Variants in NOB1 observed in about 807,000 individuals in gnomAD.
NOB1 encodes RNA-binding protein NOB1.
A neutral mutation model predicts 44.8 loss-of-function variants in NOB1; 44 were observed. The observed-to-expected ratio is 0.98, with a 90% CI of 0.77 to 1.26. The LOEUF (loss-of-function observed/expected upper bound fraction) is 1.26, where lower values mean the gene tolerates loss of function less well. NOB1 is among the 50% of genes most tolerant of loss of function. The pLI, the probability that NOB1 is intolerant of heterozygous loss-of-function variation, is 0.00. For synonymous variants in NOB1, 238 were observed against 218.7 expected (o/e 1.09, Z -0.78); for missense variants, 560 against 544.8 (o/e 1.03, Z -0.28).
chr16:69,747,934 G>C (rs894965080), intron 7 of NOB1, among the ~76,000 whole-genome samples: 2 of 152,142 alleles, frequency 1.3e-5, no homozygotes, highest in Non-Finnish European at 2.9e-5. Context: ...GAGGTGGATG[G>C]ATCACTTGGA....
At chr16:69,752,070 A>T (rs981218174) in intron 3 of NOB1, among the ~76,000 whole-genome samples, 171 bp downstream of exon 3, 1 of 152,094 alleles carries the variant, frequency 6.6e-6, no homozygotes, top group Non-Finnish European at 1.5e-5. Context: ...ATCTCAAAAA[A>T]AAAAAAGTAC....
rs199696552 is a variant in NOB1 at position 69,748,233 on chromosome 16, T to C, written c.823A>G (p.Lys275Glu). Residue 275 changes from lysine (K) to glutamate (E), a missense_variant and splice_region_variant, in exon 7 of 9, where the codon AAG becomes GAG. Lys to Glu is a moderately conservative substitution (Grantham distance 56, BLOSUM62 1). Coordinates refer to ENST00000268802, the MANE Select transcript of NOB1 (RefSeq NM_014062.3). Reference protein sequence around the residue: ...SYILRCHGCFKTTSDMSRVFC... With the variant: ...SYILRCHGCFETTSDMSRVFC... Reference sequence around the variant, plus strand: ...AGGGCCAGGGCACCAGCTACATACTTGAAACAGCCATGGCAGCGCAAGATG... The same window carrying C: ...AGGGCCAGGGCACCAGCTACATACTCGAAACAGCCATGGCAGCGCAAGATG... The C allele has an allele frequency of 6.2e-6, 10 of 1,612,212 alleles. No homozygotes were observed. In the East Asian group the frequency reaches 2.2e-4, roughly 36 times the overall value.
chr16:69,748,147 A>C, intron 7 of NOB1, 85 bp downstream of exon 7: 1 of 994,046 alleles, frequency 1.0e-6, no homozygotes. Flanking sequence ...CCTAGGTGAC[A>C]GAGCGAGACT....
At position 69,749,084 on chromosome 16, in the gene NOB1, T is replaced by G. The variant is rs141066738; in HGVS notation, c.560A>C (p.Glu187Ala). 1.2e-6 allele frequency: 2 copies of G among 1,614,172 alleles called. No homozygotes were observed. Among genetic ancestry groups the G allele is most frequent in the African/African-American group, 2.7e-5 (2 of 75,050 alleles). ...TTCAAACCCGTTTTCTTCCTCCTCC[T>G]CCTCCTCACTTGGAACGTCCTCACC... ...DRGEDVPSEE[E>A]EEEENGFEDR... The change falls in exon 6 of 9, where the codon GAG becomes GCG. Residue 187 changes from glutamate to alanine, a missense_variant. Coordinates refer to ENST00000268802, the MANE Select transcript of NOB1 (RefSeq NM_014062.3).
intron 7 of NOB1, among the ~76,000 whole-genome samples, chr16:69,747,321 T>C (rs759461643): frequency 5.3e-5 from 8 of 151,778 alleles, no homozygotes; most frequent in Non-Finnish European, 8.8e-5. Context: ...GAGGATTGCT[T>C]GAGGCCAGGA....
chr16:69,750,547 T>C (rs2038474538), intron 3 of NOB1, among the ~76,000 whole-genome samples: 1 of 152,132 alleles, frequency 6.6e-6, no homozygotes, highest in Admixed American at 6.6e-5. Context: ...GGACTGCTTG[T>C]GCTCAGGAGT....
chr16:69,749,355 C>G lies in NOB1; in HGVS notation c.400-17G>C. The G allele has an allele frequency of 6.3e-7, 1 of 1,578,914 alleles. No homozygotes were observed. Among genetic ancestry groups the G allele is most frequent in the Non-Finnish European group, 8.6e-7 (1 of 1,168,854 alleles). ...GGGTTTAGGCTGAAATTAAAAGAAACAATTTTAAAACCTGAAAATTCATCT... is the reference window on the plus strand; with the variant it reads ...GGGTTTAGGCTGAAATTAAAAGAAAGAATTTTAAAACCTGAAAATTCATCT... On this transcript the variant is annotated splice_polypyrimidine_tract_variant and intron_variant, in intron 4 of 8. Transcript: ENST00000268802.
rs1338064136 is a variant in NOB1 at position 69,752,374 on chromosome 16, G to A, written c.197-3C>T. 3.7e-6 allele frequency: 6 copies of A among 1,611,430 alleles called. No homozygotes were observed. Among genetic ancestry groups the A allele is most frequent in the South Asian group, 2.2e-5 (2 of 91,024 alleles). ...TGTTTTCTTTGAAAACTCAGTCACT[G>A]TAAACAACAGATTTACATCTTCAGT... On this transcript the variant is annotated splice_polypyrimidine_tract_variant and splice_region_variant and intron_variant, in intron 2 of 8. Transcript: ENST00000268802.
intron 3 of NOB1, among the ~76,000 whole-genome samples, chr16:69,751,929 G>A (rs557858580): frequency 3.3e-4 from 51 of 152,264 alleles, no homozygotes; most frequent in African/African-American, 1.1e-3. Context: ...GGGTGTGGTC[G>A]TGGGCGCCTG....
In NOB1 at chr16:69,749,517, T is replaced by C. The variant is rs959693517; in HGVS notation, c.399+42A>G. ...ATGACTTAGAGAGATGTGACATGTT[T>C]CAGAAAAGAGCATGAACGGCCTGGC... is the stretch of plus-strand genomic sequence containing the variant. On this transcript the variant is annotated intron_variant, in intron 4 of 8. Coordinates refer to ENST00000268802, the MANE Select transcript of NOB1 (RefSeq NM_014062.3). 2.7e-5 allele frequency: 43 copies of C among 1,579,748 alleles called. 2 individuals carry two copies. In the Admixed American group the frequency reaches 3.8e-4, roughly 14 times the overall value.
chr16:69,751,928 C>G (rs946210468), intron 3 of NOB1, among the ~76,000 whole-genome samples: 1 of 151,970 alleles, frequency 6.6e-6, no homozygotes, highest in Non-Finnish European at 1.5e-5. Flanking sequence ...CGGGTGTGGT[C>G]GTGGGCGCCT....
At chr16:69,745,773 G>A (rs1050101044) in intron 7 of NOB1, among the ~76,000 whole-genome samples, 3 of 152,226 alleles carry the variant, frequency 2.0e-5, no homozygotes, top group Admixed American at 6.5e-5. Flanking sequence ...AAAGAGCTGC[G>A]TGGAATGGCT....
intron 1 of NOB1, 56 bp downstream of exon 1, chr16:69,754,792 C>T (rs557063109): frequency 5.0e-6 from 8 of 1,611,398 alleles, no homozygotes; most frequent in Admixed American, 1.7e-5. Context: ...ACTCCACGCA[C>T]TCCGGGAGGG....
intron 8 of NOB1, 85 bp downstream of exon 8, chr16:69,744,788 G>T: frequency 6.8e-7 from 1 of 1,478,082 alleles, no homozygotes; most frequent in Non-Finnish European, 9.1e-7. Context: ...CCATCTTGCA[G>T]AAACGACTAG....
intron 8 of NOB1, among the ~76,000 whole-genome samples, chr16:69,743,239 A>G (rs1232732126): frequency 2.0e-5 from 3 of 152,224 alleles, no homozygotes; most frequent in Admixed American, 2.0e-4. Context: ...ATGAGACTAA[A>G]AGGAAAGTTC....
intron 8 of NOB1, 38 bp from the exon 9 acceptor site, chr16:69,742,639 G>T (rs200370944): frequency 5.6e-6 from 9 of 1,605,820 alleles, no homozygotes; most frequent in Non-Finnish European, 7.7e-6. Flanking sequence ...AGAAGAAGGG[G>T]AGCCACAGTC....
chr16:69,749,620 C>T lies in NOB1; in HGVS notation c.338G>A (p.Ser113Asn). The T allele has an allele frequency of 1.2e-6, 2 of 1,611,730 alleles. No individual in the cohort carries two copies. Among genetic ancestry groups the T allele is most frequent in the Admixed American group, 1.7e-5 (1 of 59,250 alleles). ...LKQEPQKVKVSSSIQHPETPL... is the reference protein window; with the variant it reads ...LKQEPQKVKVNSSIQHPETPL... ...TGTTTCTGGGTGCTGAATCGATGAG[C>T]TCACCTTAACCTTTAAAAAAACAAA... The change falls in exon 4 of 9, where the codon AGC becomes AAC. Residue 113 changes from serine (S) to asparagine (N), a missense_variant. Physicochemically the swap from Ser to Asn is conservative, Grantham distance 46. Transcript: ENST00000268802.
At position 69,742,467 on chromosome 16, in the gene NOB1, G is replaced by T. The variant is rs756767102; in HGVS notation, c.1104C>A (p.Ala368=). 3.1e-6 allele frequency: 5 copies of T among 1,614,226 alleles called. No homozygotes were observed. Among genetic ancestry groups the T allele is most frequent in the South Asian group, 1.1e-5 (1 of 91,088 alleles). The change falls in exon 9 of 9, where the codon GCC becomes GCA. Residue 368 remains alanine, a synonymous_variant. Transcript: ENST00000268802. ...CATTCTCGACAAAGGGTGACACCCCGGCGATGTAGTCAGGGGCGAACACGT... is the reference window on the plus strand; with the variant it reads ...CATTCTCGACAAAGGGTGACACCCCTGCGATGTAGTCAGGGGCGAACACGT... ...KTNVFAPDYI[A]GVSPFVENDI... is the part of the protein sequence containing the mutation.
chr16:69,746,212 C>T (rs756262895), intron 7 of NOB1, among the ~76,000 whole-genome samples: 10 of 152,210 alleles, frequency 6.6e-5, no homozygotes, highest in Non-Finnish European at 1.2e-4. Context: ...GAGCTGGGGA[C>T]CCAGAGAGGC....
Sources: gnomAD v4.1 joint callset for allele counts (sites outside exome capture counted in the v4.1 genomes callset) on GRCh38, gnomAD v4.1.1 for gene constraint, MANE v1.5 for transcripts, NCBI Gene and HGNC (gene_info 2026-07-23, HGNC 2026-07-21) for gene names.